The following FLNC variants were observed in gnomAD, a reference collection of about 807,000 sequenced individuals.
FLNC encodes the protein filamin C.
In FLNC, 91 loss-of-function variants were observed where a neutral mutation model predicts 254.3. The observed-to-expected ratio is 0.36, with a 90% CI of 0.30 to 0.43. The LOEUF (loss-of-function observed/expected upper bound fraction) is 0.43, where lower values mean the gene tolerates loss of function less well. Ranked by LOEUF, FLNC falls within the 20% of genes least tolerant of loss-of-function variation. The pLI is 1.00. For missense variants in FLNC, 2,853 were observed against 3,802.6 expected (o/e 0.75, Z 6.57); for synonymous variants, 1,430 against 1,577.2 (o/e 0.91, Z 2.21).
rs778823809 is a variant in FLNC, at chr7:128,854,660, G to A, written c.6975G>A (p.Glu2325=). The change falls in exon 41 of 48, where the codon GAG becomes GAA. Residue 2325 remains glutamate, a synonymous_variant. Transcript: ENST00000325888. ...TGCGGGCCGGAGGCACAGGGCTGGA[G>A]CGAGGTGTGGCCGGCGTGCCAGGTA... ...HKVRAGGTGL[E]RGVAGVPAEF... 8.7e-6 allele frequency: 14 copies of A among 1,612,484 alleles called. No individual in the cohort carries two copies. The highest frequency in any genetic ancestry group is 1.2e-5 in the Non-Finnish European group (14 of 1,179,402).
intron 1 of FLNC, among the ~76,000 whole-genome samples, chr7:128,831,690 A>AC (rs1445833902): frequency 6.6e-6 from 1 of 151,236 alleles, no homozygotes; most frequent in African/African-American, 2.4e-5. Context: ...GCCCCAGCCC[A>AC]CCCCCTACCG....
rs993518409 is a variant in FLNC, at chr7:128,836,670, G to A, written c.602-490G>A. ...CCCAAGTGAGCAGTTAGAAGGAATA[G>A]GGAGTCTCATACCCTAAGACTGGTG... On this transcript the variant is annotated intron_variant, in intron 2 of 47. Coordinates refer to ENST00000325888, the MANE Select transcript of FLNC (RefSeq NM_001458.5). The surrounding 1 kb of genome is among the most constrained non-coding windows in gnomAD (Gnocchi z 6.0). 7.9e-5 allele frequency among the ~76,000 whole-genome samples: 12 copies of A among 152,210 alleles called. No homozygotes were observed. The highest frequency in any genetic ancestry group is 2.7e-4 in the African/African-American group (11 of 41,462).
At chr7:128,846,722 G>A (rs1036240824) in intron 23 of FLNC, 23 bp from the exon 24 acceptor site, 2 of 1,611,600 alleles carry the variant, frequency 1.2e-6, no homozygotes, top group Non-Finnish European at 1.7e-6. Context: ...TTATGAAGCT[G>A]ATGGGGGGAT....
At position 128,832,001 on chromosome 7, in the gene FLNC, G is replaced by A. The variant is rs183368496; in HGVS notation, c.352+1012G>A. 9.8e-4 allele frequency among the ~76,000 whole-genome samples: 149 copies of A among 152,310 alleles called. 2 individuals are homozygous for A. The highest frequency in any genetic ancestry group is 1.6e-4 in the Non-Finnish European group (11 of 68,012). ...ATTTGCAGGACGAGGTCCTTGGACG[G>A]TGCACCCCACGGCCCCAGGAGGGGA... On this transcript the variant is annotated intron_variant, in intron 1 of 47. Coordinates refer to ENST00000325888, the MANE Select transcript of FLNC (RefSeq NM_001458.5).
chr7:128,836,464 C>T lies in FLNC; in HGVS notation c.602-696C>T, dbSNP rs902316424. Among the ~76,000 whole-genome samples, 4 of 152,136 alleles carry T rather than the reference C, an allele frequency of 2.6e-5. No homozygotes were observed. The highest frequency in any genetic ancestry group is 1.3e-4 in the Admixed American group (2 of 15,274). On this transcript the variant is annotated intron_variant, in intron 2 of 47. Coordinates refer to ENST00000325888, the MANE Select transcript of FLNC (RefSeq NM_001458.5). The surrounding 1 kb of genome is among the most constrained non-coding windows in gnomAD (Gnocchi z 6.0). ...TCCAGCCTTGAGCCGGCCCCCTCCC[C>T]GAAACGGTGTGCCGTCCCCCTCCTC...
chr7:128,854,919 G>A lies in FLNC; in HGVS notation c.7135+7G>A, dbSNP rs760271102. ...TATGTCGTCCAGGAACCAGGTGGGC[G>A]TCCACACTGGCAGTGGGGCTGGGCC... On this transcript the variant is annotated splice_region_variant and intron_variant, in intron 42 of 47. Transcript: ENST00000325888. The A allele has an allele frequency of 1.5e-5, 25 of 1,613,646 alleles. No individual in the cohort carries two copies. Among genetic ancestry groups the A allele is most frequent in the East Asian group, 1.3e-4 (6 of 44,892 alleles).
rs200792813 is a variant in FLNC, at chr7:128,849,997, G to A, written c.5221G>A (p.Glu1741Lys). The change falls in exon 31 of 48, where the codon GAG becomes AAG. Residue 1741 changes from glutamate (E) to lysine (K), a missense_variant. This residue lies in a region of FLNC where 258 missense variants were observed against 312.3 expected (regional missense o/e 0.83). Transcript: ENST00000325888. Reference sequence around the variant, plus strand: ...CCAGGCGTGTGACCCCCTGCCGCACGAGGAGGAGCCCTCTGAAGTGCCACA... The same window carrying A: ...CCAGGCGTGTGACCCCCTGCCGCACAAGGAGGAGCCCTCTGAAGTGCCACA... ...HVLACDPLPH[E>K]EEPSEVPQLR... 1.1e-4 allele frequency: 168 copies of A among 1,584,960 alleles called. No homozygotes were observed. Among genetic ancestry groups the A allele is most frequent in the African/African-American group, 4.7e-4 (35 of 74,582 alleles).
chr7:128,838,494 G>C (rs546166999), intron 7 of FLNC, 65 bp downstream of exon 7: 33 of 1,601,032 alleles, frequency 2.1e-5, no homozygotes, highest in African/African-American at 2.0e-4. Context: ...GTGGGGGTGG[G>C]GGGAGGCTGG....
chr7:128,838,022 C>G lies in FLNC; in HGVS notation c.1005C>G (p.Thr335=), dbSNP rs1808170543. ...TTCCCAACAATGACAAGGATCGCAC[C>G]TATGCTGTCTCCTATGTGCCCAAGG... ...KVVPNNDKDR[T]YAVSYVPKVA... is the part of the protein sequence containing the mutation. The change falls in exon 6 of 48, where the codon ACC becomes ACG. Residue 335 remains threonine, a synonymous_variant. Transcript: ENST00000325888. 1 of 1,614,078 alleles carries G rather than the reference C, an allele frequency of 6.2e-7. No individual in the cohort carries two copies. Among genetic ancestry groups the G allele is most frequent in the Non-Finnish European group, 8.5e-7 (1 of 1,179,980 alleles).
rs530917158 is a variant in FLNC, at chr7:128,856,504, C to T, written c.7252-14C>T. 3.4e-5 allele frequency: 54 copies of T among 1,610,800 alleles called. No individual in the cohort carries two copies. Among genetic ancestry groups the T allele is most frequent in the Middle Eastern group, 1.6e-4 (1 of 6,062 alleles). On this transcript the variant is annotated splice_polypyrimidine_tract_variant and intron_variant, in intron 43 of 47. Coordinates refer to ENST00000325888, the MANE Select transcript of FLNC (RefSeq NM_001458.5). This position sits in a 1 kb window ranked among gnomAD's most constrained non-coding sequence, Gnocchi z 5.9. ...GCCTCCCAGGAGTCTGAGCATCCTC[C>T]GTGGCCTTTGCAGGAGACGGGGCTC...
chr7:128,831,003 G>A lies in FLNC; in HGVS notation c.352+14G>A. 6.2e-7 allele frequency: 1 copy of A among 1,602,100 alleles called. No homozygotes were observed. Among genetic ancestry groups the A allele is most frequent in the Non-Finnish European group, 8.5e-7 (1 of 1,178,756 alleles). ...TCGTGTCCATAGGTCAGTGCCGGGG[G>A]CGAGGGCACGGGCGCTGCGGGGATA... is the stretch of plus-strand genomic sequence containing the variant. On this transcript the variant is annotated intron_variant, in intron 1 of 47. Coordinates refer to ENST00000325888, the MANE Select transcript of FLNC (RefSeq NM_001458.5).
Position 128,843,492 on chromosome 7 carries a change from C to T in FLNC, c.2726C>T (p.Thr909Ile), listed in dbSNP as rs770037443. 1.9e-6 allele frequency: 3 copies of T among 1,614,090 alleles called. No individual in the cohort carries two copies. The highest frequency in any genetic ancestry group is 3.3e-5 in the Admixed American group (2 of 60,028). ...AAGCTGGATGTGCAGTTTGCAGGGA[C>T]AGCCAAGGGCGAGGTTGTGCGGGAC... ...KAKLDVQFAG[T>I]AKGEVVRDFE... The change falls in exon 18 of 48, where the codon ACA (threonine) becomes ATA (isoleucine). Residue 909 changes from threonine to isoleucine, a missense_variant. This residue lies in a region of FLNC where 1,573 missense variants were observed against 1,883.5 expected (regional missense o/e 0.84). Coordinates refer to ENST00000325888, the MANE Select transcript of FLNC (RefSeq NM_001458.5).
intron 10 of FLNC, 50 bp downstream of exon 10, chr7:128,840,724 G>C (rs778479694): frequency 1.2e-6 from 2 of 1,611,410 alleles, no homozygotes; most frequent in African/African-American, 2.7e-5. Flanking sequence ...ATCACAGGGA[G>C]GGACGAGGGG....
chr7:128,848,746 G>A lies in FLNC; in HGVS notation c.4737+29G>A, dbSNP rs74811088. On this transcript the variant is annotated intron_variant, in intron 27 of 47. Coordinates refer to ENST00000325888, the MANE Select transcript of FLNC (RefSeq NM_001458.5). The stretch of plus-strand genomic sequence containing the variant: ...AGTCTCTGTGCATCCCACCCCGCAG[G>A]TCATGCTCCAGGCACAGGCGGGCCT... 54,270 of 1,614,030 alleles carry A rather than the reference G, an allele frequency of 0.034. 1,149 individuals carry two copies. The highest frequency in any genetic ancestry group is 0.037 in the Non-Finnish European group (43,346 of 1,180,022).
chr7:128,845,893 G>T, intron 21 of FLNC, 97 bp from the exon 22 acceptor site: 1 of 1,065,554 alleles, frequency 9.4e-7, no homozygotes, highest in Non-Finnish European at 1.4e-6. Context: ...AGGGGAAGAG[G>T]AGAGGGAGAG....
chr7:128,843,182 G>A lies in FLNC; in HGVS notation c.2551-47G>A, dbSNP rs1808411228. 4 of 1,514,358 alleles carry A rather than the reference G, an allele frequency of 2.6e-6. No homozygotes were observed. In the East Asian group the frequency reaches 9.7e-5, roughly 37 times the overall value. 93.8% of individuals were successfully genotyped at this position (1,514,358 alleles called of 1,614,324 possible). On this transcript the variant is annotated intron_variant, in intron 16 of 47. Coordinates refer to ENST00000325888, the MANE Select transcript of FLNC (RefSeq NM_001458.5). ...TGAGCCAGCATCTAGCTGAGAGCAGGGGTGTGTTCCCCTCGAGAGCCCTGA... is the reference window on the plus strand; with the variant it reads ...TGAGCCAGCATCTAGCTGAGAGCAGAGGTGTGTTCCCCTCGAGAGCCCTGA...
intron 33 of FLNC, 66 bp downstream of exon 33, chr7:128,851,009 C>T (rs1286970651): frequency 6.3e-7 from 1 of 1,585,604 alleles, no homozygotes; most frequent in Non-Finnish European, 8.7e-7. Context: ...TCAGTCCTGC[C>T]TTCCCTCTTT....
chr7:128,843,542 T>G lies in FLNC; in HGVS notation c.2776T>G (p.Tyr926Asp), dbSNP rs1808429467. ...CTTTGAGATCATAGACAACCATGAC[T>G]ACTCCTACACTGTCAAGTACACCGC... ...RDFEIIDNHD[Y>D]SYTVKYTAVQ... is the part of the protein sequence containing the mutation. Residue 926 changes from tyrosine (Y) to aspartate (D), a missense_variant, in exon 18 of 48, where the codon TAC (tyrosine) becomes GAC (aspartate). By Grantham distance (160) the Tyr-to-Asp change is radical. Around this residue, in one of 10 missense-constraint regions of FLNC, gnomAD observed 1,573 missense variants for 1,883.5 expected, o/e 0.84. Coordinates refer to ENST00000325888, the MANE Select transcript of FLNC (RefSeq NM_001458.5). 6.2e-7 allele frequency: 1 copy of G among 1,613,892 alleles called. No homozygotes were observed. The highest frequency in any genetic ancestry group is 8.5e-7 in the Non-Finnish European group (1 of 1,180,006).
chr7:128,840,848 A>T lies in FLNC; in HGVS notation c.1691A>T (p.Gln564Leu). 3 of 1,613,806 alleles carry T rather than the reference A, an allele frequency of 1.9e-6. No homozygotes were observed. Among genetic ancestry groups the T allele is most frequent in the Non-Finnish European group, 2.5e-6 (3 of 1,179,890 alleles). ...YAIPRSPFEV[Q>L]VSPEAGVQKV... ...TCTCTGCCCAGCCCCTTTGAGGTACAGGTGAGCCCAGAGGCAGGAGTGCAA... is the reference window on the plus strand; with the variant it reads ...TCTCTGCCCAGCCCCTTTGAGGTACTGGTGAGCCCAGAGGCAGGAGTGCAA... Residue 564 changes from glutamine (Q) to leucine (L), a missense_variant, in exon 11 of 48, where the codon CAG (glutamine) becomes CTG (leucine). Physicochemically the swap from Gln to Leu is moderately radical, Grantham distance 113 (BLOSUM62 -2). Coordinates refer to ENST00000325888, the MANE Select transcript of FLNC (RefSeq NM_001458.5).
Sources: allele counts gnomAD v4.1 joint callset (sites outside exome capture counted in the v4.1 genomes callset), GRCh38; gene constraint gnomAD v4.1.1; regional missense constraint gnomAD v4.1.1; non-coding constraint Gnocchi (gnomAD v3.1); transcripts MANE v1.5; gene names NCBI Gene and HGNC (gene_info 2026-07-23, HGNC 2026-07-21).